The following ABTB3 variants were observed in gnomAD, a reference collection of about 807,000 sequenced individuals.
ABTB3 encodes the protein ankyrin repeat and BTB domain containing 3.
At chr12:107,445,728 G>A in the ABTB3 span, among the ~76,000 whole-genome samples, 1 of 152,150 alleles carries the variant, frequency 6.6e-6, no homozygotes. Flanking sequence ...TCAGTAGAAA[G>A]TCAGCTGCAC....
the ABTB3 span, among the ~76,000 whole-genome samples, chr12:107,363,253 A>G: frequency 6.6e-6 from 1 of 152,222 alleles, no homozygotes; most frequent in Non-Finnish European, 1.5e-5. Flanking sequence ...AATTACCATG[A>G]GCAGCAATTA....
the ABTB3 span, among the ~76,000 whole-genome samples, chr12:107,452,662 A>C: frequency 5.2e-4 from 79 of 152,224 alleles, no homozygotes; most frequent in African/African-American, 1.8e-3. Context: ...CAACATGATG[A>C]AACCCTGTCT....
chr12:107,568,803 A>G, the ABTB3 span, among the ~76,000 whole-genome samples: 1 of 151,712 alleles, frequency 6.6e-6, no homozygotes, highest in Non-Finnish European at 1.5e-5. Flanking sequence ...GCAGTCTCCT[A>G]ACGCCACCCG....
chr12:107,600,327 T>A, the ABTB3 span, among the ~76,000 whole-genome samples: 2 of 152,206 alleles, frequency 1.3e-5, no homozygotes, highest in African/African-American at 4.8e-5. Context: ...ATGAGATTAT[T>A]TTGAAGATTT....
the ABTB3 span, among the ~76,000 whole-genome samples, chr12:107,343,180 G>GT: frequency 1.3e-4 from 19 of 151,878 alleles, no homozygotes; most frequent in South Asian, 1.7e-3. Flanking sequence ...ACACCTGGCT[G>GT]TTTTTTTGGT....
At chr12:107,412,164 C>A in the ABTB3 span, among the ~76,000 whole-genome samples, 1 of 152,196 alleles carries the variant, frequency 6.6e-6, no homozygotes, top group African/African-American at 2.4e-5. Flanking sequence ...TTATTGAGCT[C>A]TTAATGAGTA....
the ABTB3 span, among the ~76,000 whole-genome samples, chr12:107,648,790 G>A: frequency 6.6e-6 from 1 of 152,098 alleles, no homozygotes; most frequent in Non-Finnish European, 1.5e-5. Context: ...CAACCCTCTG[G>A]TGCAGGTTCT....
chr12:107,464,395 C>A, the ABTB3 span, among the ~76,000 whole-genome samples: 5 of 152,106 alleles, frequency 3.3e-5, no homozygotes, highest in Non-Finnish European at 7.4e-5. Flanking sequence ...ACTGCAGCTG[C>A]AAACTCCTGG....
At chr12:107,618,500 G>A in the ABTB3 span, 3 of 825,822 alleles carry the variant, frequency 3.6e-6, no homozygotes, top group Non-Finnish European at 3.7e-6. Context: ...ACACACACGT[G>A]CACACACACA....
chr12:107,640,679 T>G, the ABTB3 span, among the ~76,000 whole-genome samples: 5 of 152,180 alleles, frequency 3.3e-5, no homozygotes, highest in African/African-American at 1.2e-4. Flanking sequence ...GGTGGCCTTG[T>G]GCAGTGAACA....
chr12:107,560,471 G>A, the ABTB3 span, among the ~76,000 whole-genome samples: 4 of 152,152 alleles, frequency 2.6e-5, no homozygotes, highest in African/African-American at 9.7e-5. Context: ...GGGAACAATG[G>A]CATCTGCCTG....
chr12:107,518,852 T>C, the ABTB3 span, among the ~76,000 whole-genome samples: 2 of 152,214 alleles, frequency 1.3e-5, no homozygotes, highest in African/African-American at 4.8e-5. Context: ...ACTTGTTCTT[T>C]AGGTCTCTGA....
the ABTB3 span, among the ~76,000 whole-genome samples, chr12:107,379,518 G>A: frequency 3.3e-5 from 5 of 152,158 alleles, no homozygotes; most frequent in African/African-American, 1.2e-4. Context: ...CACCATGATT[G>A]TGAGGCTTCC....
chr12:107,370,443 G>A, the ABTB3 span, among the ~76,000 whole-genome samples: 5 of 152,344 alleles, frequency 3.3e-5, no homozygotes, highest in South Asian at 2.1e-4. Flanking sequence ...ATGCTTAGCC[G>A]GGAATGTTGG....
At chr12:107,614,793 C>T in the ABTB3 span, among the ~76,000 whole-genome samples, 1 of 152,172 alleles carries the variant, frequency 6.6e-6, no homozygotes, top group African/African-American at 2.4e-5. Context: ...CTCCAAAACA[C>T]GGACTTCCAT....
At chr12:107,635,274 C>T in the ABTB3 span, 4 of 1,612,102 alleles carry the variant, frequency 2.5e-6, no homozygotes, top group Non-Finnish European at 3.4e-6. Context: ...CCTCCTCTTT[C>T]TTTTCTGCAG....
At chr12:107,371,775 G>T in the ABTB3 span, among the ~76,000 whole-genome samples, 1 of 152,080 alleles carries the variant, frequency 6.6e-6, no homozygotes, top group African/African-American at 2.4e-5. Context: ...CTCCATTTCA[G>T]CTTGGATGGC....
the ABTB3 span, among the ~76,000 whole-genome samples, chr12:107,411,300 C>T: frequency 6.6e-6 from 1 of 152,046 alleles, no homozygotes; most frequent in Non-Finnish European, 1.5e-5. Context: ...CTCCGTCTCC[C>T]CCCTCCAAAA....
chr12:107,520,295 G>A, the ABTB3 span: 1 of 983,854 alleles, frequency 1.0e-6, no homozygotes, highest in Non-Finnish European at 1.2e-6. Context: ...TCAGGACTTT[G>A]AAGAGACCTT....
Sources: gnomAD v4.1 joint callset for allele counts (sites outside exome capture counted in the v4.1 genomes callset) on GRCh38, gnomAD v4.1.1 for gene constraint, MANE v1.5 for transcripts, NCBI Gene and HGNC (gene_info 2026-07-23, HGNC 2026-07-21) for gene names.